The following CSMD1 variants were observed in gnomAD, a reference collection of about 807,000 sequenced individuals.
CSMD1 encodes CUB and Sushi multiple domains 1.
A neutral mutation model predicts 417.5 loss-of-function variants in CSMD1; 213 were observed. The observed-to-expected ratio is 0.51, with a 90% CI of 0.46 to 0.57. CSMD1 has a LOEUF of 0.57. Among genes scored for constraint, CSMD1 ranks in the 20% least tolerant of loss-of-function variants. The pLI, the probability that CSMD1 is intolerant of heterozygous loss-of-function variation, is 0.00. For synonymous variants in CSMD1, 2,862 were observed against 1,736.8 expected (o/e 1.65, Z -16.11); for missense variants, 6,923 against 4,529.7 (o/e 1.53, Z -15.17).
chr8:3,585,185 G>C (rs1245169584), intron 9 of CSMD1, among the ~76,000 whole-genome samples: 1 of 152,306 alleles, frequency 6.6e-6, no homozygotes, highest in African/African-American at 2.4e-5. Flanking sequence ...AGTATTCTTA[G>C]CTTAGAGGAC....
chr8:3,469,107 G>A (rs946750795), intron 11 of CSMD1: 2 of 277,790 alleles, frequency 7.2e-6, no homozygotes, highest in Non-Finnish European at 1.4e-5. Flanking sequence ...CTGGAACCGA[G>A]AGGCTTCCCC....
intron 1 of CSMD1, among the ~76,000 whole-genome samples, chr8:4,687,714 ACCT>A (rs889264685): frequency 1.3e-5 from 2 of 151,940 alleles, no homozygotes; most frequent in African/African-American, 4.8e-5. Flanking sequence ...AGAAAGAGTC[ACCT>A]CCCCTTTCCA....
intron 5 of CSMD1, among the ~76,000 whole-genome samples, chr8:3,994,986 C>A (rs113059007): frequency 1.3e-5 from 2 of 152,238 alleles, no homozygotes; most frequent in African/African-American, 4.8e-5. Context: ...TGTGGAATGA[C>A]CCTGTGCTTG....
intron 11 of CSMD1, among the ~76,000 whole-genome samples, chr8:3,474,413 C>T (rs913818139): frequency 3.9e-5 from 6 of 152,026 alleles, no homozygotes; most frequent in African/African-American, 7.2e-5. Context: ...GGCAAACAAA[C>T]ATTTATTTAT....
intron 5 of CSMD1, among the ~76,000 whole-genome samples, chr8:3,839,586 T>C: frequency 7.6e-6 from 1 of 131,274 alleles, no homozygotes; most frequent in East Asian, 2.1e-4. Flanking sequence ...TTATTATATA[T>C]ATTAATATGA....
chr8:3,857,338 G>A (rs576920687), intron 5 of CSMD1, among the ~76,000 whole-genome samples: 1 of 152,124 alleles, frequency 6.6e-6, no homozygotes, highest in African/African-American at 2.4e-5. Flanking sequence ...GACCTGGCAA[G>A]TTAAACAAAA....
chr8:3,144,805 G>A (rs1026633930), intron 40 of CSMD1, among the ~76,000 whole-genome samples: 1 of 131,248 alleles, frequency 7.6e-6, no homozygotes, highest in African/African-American at 2.8e-5. Context: ...GGGGGGGGGG[G>A]AGGGAGGGAG....
chr8:4,637,644 A>AGTTTTTTTTTTT (rs1563357444), intron 1 of CSMD1, 86 bp from the exon 2 acceptor site: 1 of 321,438 alleles, frequency 3.1e-6, no homozygotes, highest in Non-Finnish European at 5.1e-6. Flanking sequence ...ACTTTAGCCA[A>AGTTTTTTTTTTT]TTTTTTTTTT....
chr8:3,484,271 T>C (rs191062544), intron 11 of CSMD1, among the ~76,000 whole-genome samples: 4 of 152,240 alleles, frequency 2.6e-5, no homozygotes, highest in East Asian at 1.9e-4. Flanking sequence ...AGCTCAGAAA[T>C]AGACCCACAC....
chr8:3,853,294 C>G (rs1055490929), intron 5 of CSMD1, among the ~76,000 whole-genome samples: 1 of 152,092 alleles, frequency 6.6e-6, no homozygotes, highest in African/African-American at 2.4e-5. Flanking sequence ...ATCTTCATAC[C>G]CTGATCAATT....
chr8:3,248,066 G>A (rs140727751), intron 26 of CSMD1, among the ~76,000 whole-genome samples: 2 of 152,168 alleles, frequency 1.3e-5, no homozygotes. Flanking sequence ...AGTGGCTCAT[G>A]TCTGTAATCC....
chr8:3,475,933 A>T (rs2117219169), intron 11 of CSMD1, among the ~76,000 whole-genome samples: 1 of 152,330 alleles, frequency 6.6e-6, no homozygotes, highest in South Asian at 2.1e-4. Context: ...TAACTTTATG[A>T]TGTTTTGGTT....
At chr8:3,083,832 G>T (rs1223053588) in intron 49 of CSMD1, among the ~76,000 whole-genome samples, 1 of 150,850 alleles carries the variant, frequency 6.6e-6, no homozygotes, top group African/African-American at 2.4e-5. Flanking sequence ...GCTAATGTTT[G>T]TATTTCCTGT....
At chr8:4,705,285 A>G (rs1371967276) in intron 1 of CSMD1, among the ~76,000 whole-genome samples, 1 of 152,180 alleles carries the variant, frequency 6.6e-6, no homozygotes, top group Non-Finnish European at 1.5e-5. Flanking sequence ...AAATTGAGTA[A>G]TACAATGGGT....
chr8:3,515,217 G>C (rs77849790), intron 10 of CSMD1: 10,483 of 152,250 alleles, frequency 0.069, 489 homozygotes, highest in South Asian at 0.15. Context: ...TAAATGTCAA[G>C]TACATTTGAC....
intron 5 of CSMD1, among the ~76,000 whole-genome samples, chr8:3,937,478 C>T (rs1452940962): frequency 1.3e-5 from 2 of 152,056 alleles, no homozygotes; most frequent in Non-Finnish European, 2.9e-5. Context: ...AAAGACCTTC[C>T]ACCAGCAAAA....
intron 1 of CSMD1, among the ~76,000 whole-genome samples, chr8:4,928,102 C>T (rs1257596200): frequency 6.6e-6 from 1 of 152,132 alleles, no homozygotes; most frequent in African/African-American, 2.4e-5. Context: ...TAGCCCTCAT[C>T]CTCAGCCCAC....
At position 4,685,527 on chromosome 8, in the gene CSMD1, G is replaced by A. The variant is rs139753474; in HGVS notation, c.86-47969C>T. On this transcript the variant is annotated intron_variant, in intron 1 of 69. Transcript: ENST00000635120. ...GGAGGCGGAGGTTGCAGTGAGTCGAGATCACACCACTGCACTGCAGCCTGG... is the reference window on the plus strand; with the variant it reads ...GGAGGCGGAGGTTGCAGTGAGTCGAAATCACACCACTGCACTGCAGCCTGG... Among the ~76,000 whole-genome samples the A allele has an allele frequency of 7.6e-3, 1,155 of 151,964 alleles. 18 individuals are homozygous for A. Among genetic ancestry groups the A allele is most frequent in the African/African-American group, 0.025 (1,049 of 41,398 alleles).
chr8:4,056,687 C>T (rs1477849692), intron 3 of CSMD1, among the ~76,000 whole-genome samples: 1 of 151,798 alleles, frequency 6.6e-6, no homozygotes, highest in African/African-American at 2.4e-5. Context: ...CCTCCCCACT[C>T]CCCCCACCCC....
Sources: gnomAD v4.1 joint callset for allele counts (sites outside exome capture counted in the v4.1 genomes callset) on GRCh38, gnomAD v4.1.1 for gene constraint, MANE v1.5 for transcripts, NCBI Gene and HGNC (gene_info 2026-07-23, HGNC 2026-07-21) for gene names.